Variants in FIRRM observed in about 807,000 individuals in gnomAD.
The protein encoded by FIRRM is FIGNL1-interacting regulator of recombination and mitosis.
chr1:169,827,871 A>T, the FIRRM span: 4 of 1,609,100 alleles, frequency 2.5e-6, no homozygotes, highest in Non-Finnish European at 3.4e-6. Flanking sequence ...CAGTCATATT[A>T]CCAATGGTTA....
the FIRRM span, among the ~76,000 whole-genome samples, chr1:169,817,586 A>T: frequency 1.3e-5 from 2 of 152,232 alleles, no homozygotes; most frequent in Non-Finnish European, 2.9e-5. Context: ...TTCCTGTATG[A>T]TTTTTATACC....
chr1:169,793,024 A>T, the FIRRM span: 1 of 1,614,134 alleles, frequency 6.2e-7, no homozygotes, highest in East Asian at 2.2e-5. Flanking sequence ...AGGTTACTTC[A>T]TCAATCACCA....
chr1:169,847,622 G>T, the FIRRM span: 1 of 1,119,652 alleles, frequency 8.9e-7, no homozygotes, highest in South Asian at 1.4e-5. Flanking sequence ...CCAAATCTTA[G>T]GCAGTTATTG....
chr1:169,852,752 GA>G, the FIRRM span: 1 of 1,595,402 alleles, frequency 6.3e-7, no homozygotes. Flanking sequence ...TTTATATTTA[GA>G]ATGGATATTG....
chr1:169,789,895 A>G, the FIRRM span, among the ~76,000 whole-genome samples: 9 of 152,360 alleles, frequency 5.9e-5, no homozygotes, highest in East Asian at 3.9e-4. Flanking sequence ...CCACTTATAC[A>G]TAGGAAACTT....
chr1:169,850,815 C>T, the FIRRM span: 1 of 155,680 alleles, frequency 6.4e-6, no homozygotes, highest in Non-Finnish European at 1.4e-5. Flanking sequence ...CTTGTAGTTC[C>T]TCTGCCTGTA....
the FIRRM span, chr1:169,795,642 C>T: frequency 1.0e-6 from 1 of 991,496 alleles, no homozygotes; most frequent in African/African-American, 1.7e-5. Flanking sequence ...TTTTGTCTCC[C>T]GTAAAAAGGG....
At chr1:169,834,326 A>G in the FIRRM span, among the ~76,000 whole-genome samples, 1 of 152,202 alleles carries the variant, frequency 6.6e-6, no homozygotes, top group South Asian at 2.1e-4. Context: ...CTGAATCTGC[A>G]TACCTATTTT....
At chr1:169,834,105 T>C in the FIRRM span, among the ~76,000 whole-genome samples, 4 of 152,128 alleles carry the variant, frequency 2.6e-5, no homozygotes, top group Non-Finnish European at 5.9e-5. Context: ...ATGAATTAGC[T>C]ATGAGGTCTA....
chr1:169,826,798 A>G, the FIRRM span, among the ~76,000 whole-genome samples: 2 of 152,162 alleles, frequency 1.3e-5, no homozygotes, highest in Non-Finnish European at 2.9e-5. Context: ...CAGTGCCTCA[A>G]AGCAACAAAG....
the FIRRM span, among the ~76,000 whole-genome samples, chr1:169,805,470 G>T: frequency 6.6e-6 from 1 of 152,174 alleles, no homozygotes; most frequent in Non-Finnish European, 1.5e-5. Flanking sequence ...GTTTCTGCTT[G>T]CCTTAATTTT....
the FIRRM span, among the ~76,000 whole-genome samples, chr1:169,813,150 G>A: frequency 6.6e-6 from 1 of 152,132 alleles, no homozygotes; most frequent in Admixed American, 6.5e-5. Flanking sequence ...AAGCTGTTTG[G>A]ATTATAGTGT....
the FIRRM span, chr1:169,807,679 A>G: frequency 1.1e-6 from 1 of 936,502 alleles, no homozygotes; most frequent in Non-Finnish European, 1.5e-6. Flanking sequence ...GTGATATATG[A>G]TGCTTTTTGA....
chr1:169,787,001 C>T, the FIRRM span, among the ~76,000 whole-genome samples: 1 of 152,190 alleles, frequency 6.6e-6, no homozygotes, highest in Non-Finnish European at 1.5e-5. Context: ...TAGAGCTACA[C>T]AGATACTGTG....
chr1:169,845,231 T>C, the FIRRM span, among the ~76,000 whole-genome samples: 1 of 152,218 alleles, frequency 6.6e-6, no homozygotes, highest in African/African-American at 2.4e-5. Flanking sequence ...AATAGCATTA[T>C]GTGTAAAAAA....
At chr1:169,850,383 C>CT in the FIRRM span, 2 of 1,443,850 alleles carry the variant, frequency 1.4e-6, no homozygotes, top group Admixed American at 2.0e-5. Flanking sequence ...ATTCTTTGTC[C>CT]TATTTTTTTT....
At chr1:169,794,838 T>A in the FIRRM span, 1 of 464,324 alleles carries the variant, frequency 2.2e-6, no homozygotes, top group South Asian at 2.6e-5. Context: ...CTTCCCGACG[T>A]GTCCTGGGAT....
the FIRRM span, among the ~76,000 whole-genome samples, chr1:169,806,331 T>C: frequency 6.6e-6 from 1 of 152,254 alleles, no homozygotes; most frequent in African/African-American, 2.4e-5. Flanking sequence ...TCAGAAATAA[T>C]GGGCCATGGG....
chr1:169,854,030 C>A, the FIRRM span: 1 of 566,310 alleles, frequency 1.8e-6, no homozygotes. Context: ...TTATTTTAAT[C>A]CCTTTTTTTT....
Sources: allele counts gnomAD v4.1 joint callset (sites outside exome capture counted in the v4.1 genomes callset), GRCh38; gene constraint gnomAD v4.1.1; transcripts MANE v1.5; gene names NCBI Gene and HGNC (gene_info 2026-07-23, HGNC 2026-07-21).